The following BMP6 variants were observed in gnomAD, a reference collection of about 807,000 sequenced individuals.
BMP6 encodes the protein VG-1-R.
BMP6 carries 17 observed loss-of-function variants against 54.1 expected under a neutral mutation model. That is an observed-to-expected ratio of 0.31 (90% CI 0.22 to 0.47). BMP6 has a LOEUF of 0.47. Ranked by LOEUF, BMP6 falls within the 20% of genes least tolerant of loss-of-function variation. The probability of loss-of-function intolerance (pLI) is 1.00; values close to 1 mark genes in which losing one functional copy is unlikely to be tolerated. For missense variants in BMP6, 720 were observed against 690.4 expected (o/e 1.04, Z -0.48); for synonymous variants, 328 against 291.2 (o/e 1.13, Z -1.28).
chr6:7,823,876 T>C (rs1474287912), intron 1 of BMP6, among the ~76,000 whole-genome samples: 2 of 152,158 alleles, frequency 1.3e-5, no homozygotes, highest in Non-Finnish European at 2.9e-5. Context: ...ACCCTAATGA[T>C]TGTGAAAAAT....
chr6:7,843,128 C>G (rs1297653291), intron 1 of BMP6, among the ~76,000 whole-genome samples: 1 of 152,182 alleles, frequency 6.6e-6, no homozygotes, highest in African/African-American at 2.4e-5. Flanking sequence ...AACAATATTG[C>G]TTTTCATGCG....
At position 7,825,006 on chromosome 6, in the gene BMP6, T is replaced by C. The variant is rs1474719291; in HGVS notation, c.665-20134T>C. Among the ~76,000 whole-genome samples, 4 of 152,214 alleles carry C rather than the reference T, an allele frequency of 2.6e-5. No individual in the cohort carries two copies. The East Asian group carries it at 7.7e-4, about 29-fold the overall frequency. ...ACATTCACTATCGGGATTCACACCC[T>C]GTTGTATCATTGAAAAACGCGCAGA... On this transcript the variant is annotated intron_variant, in intron 1 of 6. Transcript: ENST00000283147.
intron 1 of BMP6, among the ~76,000 whole-genome samples, chr6:7,793,758 G>A (rs1758147668): frequency 6.6e-6 from 1 of 152,142 alleles, no homozygotes; most frequent in South Asian, 2.1e-4. Context: ...TTCATTTATG[G>A]GGAGTTCACA....
chr6:7,736,137 G>C (rs1464177936), intron 1 of BMP6, among the ~76,000 whole-genome samples: 2 of 151,958 alleles, frequency 1.3e-5, no homozygotes, highest in Non-Finnish European at 2.9e-5. Flanking sequence ...TTCTTTCTTT[G>C]TTTTTAAGTC....
intron 4 of BMP6, among the ~76,000 whole-genome samples, chr6:7,876,971 T>TTA (rs1759631156): frequency 6.6e-6 from 1 of 152,192 alleles, no homozygotes; most frequent in South Asian, 2.1e-4. Context: ...CAGATGACTC[T>TTA]TATCCACAGT....
intron 1 of BMP6, among the ~76,000 whole-genome samples, chr6:7,844,671 T>C (rs1244732212): frequency 6.6e-6 from 1 of 150,692 alleles, no homozygotes; most frequent in Non-Finnish European, 1.5e-5. Flanking sequence ...TTATGTCAAC[T>C]GCTGATGGTG....
At chr6:7,805,371 C>A (rs1328956241) in intron 1 of BMP6, among the ~76,000 whole-genome samples, 1 of 152,158 alleles carries the variant, frequency 6.6e-6, no homozygotes, top group East Asian at 1.9e-4. Context: ...TGTATCTATT[C>A]AACACACACA....
At chr6:7,793,925 C>T (rs537134728) in intron 1 of BMP6, among the ~76,000 whole-genome samples, 2 of 152,322 alleles carry the variant, frequency 1.3e-5, no homozygotes, top group East Asian at 3.9e-4. Flanking sequence ...CCCCAGCCAC[C>T]TAGTCCAGGC....
chr6:7,742,040 C>G lies in BMP6; in HGVS notation c.664+14421C>G, dbSNP rs140131408. On this transcript the variant is annotated intron_variant, in intron 1 of 6. Coordinates refer to ENST00000283147, the MANE Select transcript of BMP6 (RefSeq NM_001718.6). ...CTGGTGTATGCCGTCTCCTTCCATT[C>G]TCTCATTACAAATAACATCAAGCAT... Among the ~76,000 whole-genome samples, 356 of 152,332 alleles carry G rather than the reference C, an allele frequency of 2.3e-3. 5 individuals are homozygous for G. The highest frequency in any genetic ancestry group is 0.022 in the East Asian group (115 of 5,190).
intron 1 of BMP6, among the ~76,000 whole-genome samples, chr6:7,770,069 C>A (rs1165822893): frequency 6.6e-6 from 1 of 152,080 alleles, no homozygotes; most frequent in African/African-American, 2.4e-5. Flanking sequence ...CCCTCGCCCC[C>A]TTTTTAAATG....
At chr6:7,771,712 C>A (rs975172482) in intron 1 of BMP6, among the ~76,000 whole-genome samples, 40 of 152,186 alleles carry the variant, frequency 2.6e-4, no homozygotes, top group African/African-American at 8.9e-4. Flanking sequence ...GCAGGGCAGG[C>A]TGTATAGCAG....
At chr6:7,867,545 A>G (rs114123552) in intron 4 of BMP6, among the ~76,000 whole-genome samples, 2 of 152,218 alleles carry the variant, frequency 1.3e-5, no homozygotes, top group African/African-American at 4.8e-5. Flanking sequence ...TCCACCATGG[A>G]CATTCAAAGC....
chr6:7,779,903 T>C (rs1375659633), intron 1 of BMP6, among the ~76,000 whole-genome samples: 1 of 152,086 alleles, frequency 6.6e-6, no homozygotes, highest in African/African-American at 2.4e-5. Context: ...GCTGTGTCTT[T>C]TTGTGGTGTC....
At chr6:7,868,755 C>T (rs1042818796) in intron 4 of BMP6, among the ~76,000 whole-genome samples, 5 of 152,248 alleles carry the variant, frequency 3.3e-5, no homozygotes, top group Non-Finnish European at 7.3e-5. Flanking sequence ...TCTGTGTGAC[C>T]TGCTGAGCGG....
chr6:7,774,069 G>A (rs1233777381), intron 1 of BMP6, among the ~76,000 whole-genome samples: 4 of 152,214 alleles, frequency 2.6e-5, no homozygotes, highest in South Asian at 2.1e-4. Context: ...GGTGGGAGTG[G>A]ACTGCAGTTA....
At chr6:7,838,555 G>A (rs930682290) in intron 1 of BMP6, among the ~76,000 whole-genome samples, 2 of 152,080 alleles carry the variant, frequency 1.3e-5, no homozygotes, top group Non-Finnish European at 2.9e-5. Flanking sequence ...AATCTTAATA[G>A]TACCGAACTG....
intron 1 of BMP6, among the ~76,000 whole-genome samples, chr6:7,730,970 T>C (rs1386816167): frequency 6.6e-6 from 1 of 152,222 alleles, no homozygotes; most frequent in Non-Finnish European, 1.5e-5. Context: ...TGAAATACAT[T>C]TGAAACACCC....
At chr6:7,748,910 G>A (rs1048613870) in intron 1 of BMP6, among the ~76,000 whole-genome samples, 1 of 152,206 alleles carries the variant, frequency 6.6e-6, no homozygotes, top group Non-Finnish European at 1.5e-5. Context: ...CCTGGAATCA[G>A]TAGAGGATGA....
intron 2 of BMP6, among the ~76,000 whole-genome samples, chr6:7,846,037 C>T (rs1487112749): frequency 6.6e-6 from 1 of 152,098 alleles, no homozygotes; most frequent in East Asian, 1.9e-4. Flanking sequence ...CCAATGACCT[C>T]GAATTTTGCT....
Sources: allele counts gnomAD v4.1 joint callset (sites outside exome capture counted in the v4.1 genomes callset), GRCh38; gene constraint gnomAD v4.1.1; transcripts MANE v1.5; gene names NCBI Gene and HGNC (gene_info 2026-07-23, HGNC 2026-07-21).